SLAMF7: variants seen among roughly 807,000 people sequenced by gnomAD.
The protein encoded by SLAMF7 is 19A24 protein.
Under a neutral mutation model 34.1 loss-of-function variants are expected in SLAMF7, and 26 were observed. The observed-to-expected ratio is 0.76, with a 90% CI of 0.56 to 1.06. The LOEUF (loss-of-function observed/expected upper bound fraction) is 1.06, where lower values mean the gene tolerates loss of function less well. Among genes scored for constraint, SLAMF7 ranks in the 50% least tolerant of loss-of-function variants. The pLI is 0.00. For missense variants in SLAMF7, 399 were observed against 402.5 expected (o/e 0.99, Z 0.07); for synonymous variants, 171 against 156.4 (o/e 1.09, Z -0.70).
intron 1 of SLAMF7, 190 bp downstream of exon 1, chr1:160,739,546 C>T (rs1458002402): frequency 1.1e-5 from 6 of 532,766 alleles, no homozygotes; most frequent in South Asian, 2.5e-5. Flanking sequence ...GGAAAAATGG[C>T]TCTGGGAACT....
chr1:160,751,304 G>C (rs1664554047), intron 4 of SLAMF7, 41 bp from the exon 5 acceptor site: 5 of 1,428,168 alleles, frequency 3.5e-6, no homozygotes, highest in Non-Finnish European at 4.9e-6. Flanking sequence ...GTGGTGAGTG[G>C]TTGGAGAGGT....
chr1:160,749,029 A>C (rs1297175322), intron 2 of SLAMF7, among the ~76,000 whole-genome samples: 1 of 152,176 alleles, frequency 6.6e-6, no homozygotes, highest in Non-Finnish European at 1.5e-5. Flanking sequence ...TCATCCAGGG[A>C]AGTTAAAATT....
At chr1:160,752,085 T>C in intron 5 of SLAMF7, 101 bp from the exon 6 acceptor site, 1 of 951,904 alleles carries the variant, frequency 1.1e-6, no homozygotes, top group Non-Finnish European at 1.6e-6. Flanking sequence ...TCCTCCCATC[T>C]CTGCTTTCCC....
intron 4 of SLAMF7, chr1:160,750,650 T>G: frequency 2.3e-6 from 1 of 433,212 alleles, no homozygotes; most frequent in Non-Finnish European, 4.1e-6. Flanking sequence ...GTTCTCCCAG[T>G]TCCCTTTCCA....
upstream of SLAMF7, chr1:160,739,223 A>G: frequency 7.7e-7 from 1 of 1,291,738 alleles, no homozygotes; most frequent in Non-Finnish European, 1.1e-6. Flanking sequence ...GCTTCTTTAA[A>G]TATCAGCTGG....
intron 1 of SLAMF7, chr1:160,739,673 T>C (rs1389291578): frequency 7.5e-6 from 2 of 265,956 alleles, no homozygotes; most frequent in African/African-American, 2.3e-5. Context: ...GTTAAAGTTT[T>C]CCTGGGCCTC....
chr1:160,747,133 C>T (rs989724315), intron 1 of SLAMF7, among the ~76,000 whole-genome samples: 16 of 152,184 alleles, frequency 1.1e-4, no homozygotes, highest in African/African-American at 3.9e-4. Flanking sequence ...CCTTGACTAC[C>T]TAACCTGCCT....
Position 160,749,980 on chromosome 1 carries a change from T to G in SLAMF7, c.536T>G (p.Ile179Ser). Reference protein sequence around the residue: ...QAANESHNGSILPISWRWGES... With the variant: ...QAANESHNGSSLPISWRWGES... ...GCCAATGAGTCCCATAATGGGTCCA[T>G]CCTCCCCATCTCCTGGAGATGGGGA... Residue 179 changes from isoleucine to serine, a missense_variant, in exon 3 of 7, where the codon ATC (isoleucine) becomes AGC (serine). Ile to Ser is a moderately radical substitution (Grantham distance 142). Transcript: ENST00000368043. 6.2e-7 allele frequency: 1 copy of G among 1,614,054 alleles called. No individual in the cohort carries two copies. Among genetic ancestry groups the G allele is most frequent in the Non-Finnish European group, 8.5e-7 (1 of 1,179,968 alleles).
Position 160,750,385 on chromosome 1 carries a change from G to A in SLAMF7, c.731G>A (p.Gly244Glu). Residue 244 changes from glycine (G) to glutamate (E), a missense_variant, in exon 4 of 7, where the codon GGG becomes GAG. Transcript: ENST00000368043. ...CTCCTGCTCAGTCTCTTTGTACTGG[G>A]GCTATTTCTTTGGTTTCTGAAGAGA... ...VPLLLSLFVL[G>E]LFLWFLKRER... 6.2e-7 allele frequency: 1 copy of A among 1,614,034 alleles called. No homozygotes were observed. Among genetic ancestry groups the A allele is most frequent in the Non-Finnish European group, 8.5e-7 (1 of 1,179,940 alleles).
At chr1:160,739,414 G>A in intron 1 of SLAMF7, 58 bp downstream of exon 1, 2 of 1,502,796 alleles carry the variant, frequency 1.3e-6, no homozygotes, top group Non-Finnish European at 1.8e-6. Flanking sequence ...AATAGTTCCA[G>A]GTTTCTTGTT....
intron 5 of SLAMF7, 168 bp from the exon 6 acceptor site, chr1:160,752,018 C>G (rs1193205997): frequency 3.6e-6 from 2 of 549,986 alleles, no homozygotes; most frequent in African/African-American, 3.8e-5. Context: ...CAGTCACCAA[C>G]AAGAGAACTT....
intron 1 of SLAMF7, among the ~76,000 whole-genome samples, chr1:160,741,630 A>C (rs768018337): frequency 6.6e-6 from 1 of 151,996 alleles, no homozygotes; most frequent in Non-Finnish European, 1.5e-5. Context: ...CAAATAAATG[A>C]CTCCAATGTA....
chr1:160,740,790 C>T (rs1663676416), intron 1 of SLAMF7, among the ~76,000 whole-genome samples: 1 of 152,232 alleles, frequency 6.6e-6, no homozygotes, highest in Admixed American at 6.5e-5. Flanking sequence ...ACCACCTCCT[C>T]ATGAGTCTGT....
chr1:160,751,051 TC>T, intron 4 of SLAMF7: 1 of 368,708 alleles, frequency 2.7e-6, no homozygotes, highest in Non-Finnish European at 5.1e-6. Flanking sequence ...CTTTGAAATC[TC>T]CCTTCCCTCC....
At chr1:160,742,740 C>T (rs1421406251) in intron 1 of SLAMF7, among the ~76,000 whole-genome samples, 2 of 152,236 alleles carry the variant, frequency 1.3e-5, no homozygotes, top group Non-Finnish European at 2.9e-5. Context: ...GAGGAACTAA[C>T]TCCTCTTCCC....
intron 1 of SLAMF7, among the ~76,000 whole-genome samples, chr1:160,741,179 A>T (rs1409158326): frequency 6.6e-6 from 1 of 152,202 alleles, no homozygotes; most frequent in Non-Finnish European, 1.5e-5. Flanking sequence ...AGCAGTTCTC[A>T]TGGCCTCAGT....
chr1:160,746,753 C>T (rs569934616), intron 1 of SLAMF7, among the ~76,000 whole-genome samples: 1 of 152,020 alleles, frequency 6.6e-6, no homozygotes, highest in East Asian at 1.9e-4. Flanking sequence ...CAAAGACTGG[C>T]ACTGGGGAGA....
chr1:160,746,844 T>C (rs967001750), intron 1 of SLAMF7, among the ~76,000 whole-genome samples: 7 of 152,108 alleles, frequency 4.6e-5, no homozygotes, highest in Admixed American at 1.3e-4. Flanking sequence ...TTGGTGGTCC[T>C]CTGGGTGGAC....
At chr1:160,740,696 A>T (rs547817574) in intron 1 of SLAMF7, among the ~76,000 whole-genome samples, 1 of 152,234 alleles carries the variant, frequency 6.6e-6, no homozygotes, top group Non-Finnish European at 1.5e-5. Context: ...AATTATTGTG[A>T]CATTTTAAAT....
Sources: allele counts gnomAD v4.1 joint callset (sites outside exome capture counted in the v4.1 genomes callset), GRCh38; gene constraint gnomAD v4.1.1; transcripts MANE v1.5; gene names NCBI Gene and HGNC (gene_info 2026-07-23, HGNC 2026-07-21).